The following CAMTA1 variants were observed in gnomAD, a reference collection of about 807,000 sequenced individuals.
The protein encoded by CAMTA1 is calmodulin binding transcription activator 1.
In CAMTA1, 27 loss-of-function variants were observed where a neutral mutation model predicts 170.9. That is an observed-to-expected ratio of 0.16 (90% CI 0.12 to 0.22). The LOEUF is 0.22. Ranked by LOEUF, CAMTA1 falls within the 10% of genes least tolerant of loss-of-function variation. The pLI, the probability that CAMTA1 is intolerant of heterozygous loss-of-function variation, is 1.00. For synonymous variants in CAMTA1, 833 were observed against 891.5 expected (o/e 0.93, Z 1.17); for missense variants, 1,619 against 2,217.2 (o/e 0.73, Z 5.42).
At chr1:6,968,340 C>T (rs1173825137) in intron 3 of CAMTA1, among the ~76,000 whole-genome samples, 1 of 152,156 alleles carries the variant, frequency 6.6e-6, no homozygotes, top group African/African-American at 2.4e-5. Flanking sequence ...ATGGCCCTTG[C>T]CCCTCTCCCG....
chr1:6,941,665 G>A (rs142709473), intron 3 of CAMTA1, among the ~76,000 whole-genome samples: 136 of 152,318 alleles, frequency 8.9e-4, no homozygotes, highest in African/African-American at 2.9e-3. Flanking sequence ...CCTGACAGGC[G>A]AGGAAGCTCT....
At position 6,988,258 on chromosome 1, in the gene CAMTA1, T is replaced by C. The variant is rs575272343; in HGVS notation, c.235-103046T>C. Among the ~76,000 whole-genome samples, 499 of 152,246 alleles carry C rather than the reference T, an allele frequency of 3.3e-3. 3 individuals are homozygous for C. The highest frequency in any genetic ancestry group is 0.012 in the African/African-American group (481 of 41,552). On this transcript the variant is annotated intron_variant, in intron 3 of 22. Transcript: ENST00000303635. The stretch of plus-strand genomic sequence containing the variant: ...AGAAGGGCCGTGACGCTCCGAAAGC[T>C]GGTGCTGGGCTTCCTTCCACTGCAC...
intron 6 of CAMTA1, among the ~76,000 whole-genome samples, chr1:7,618,817 G>A (rs753028564): frequency 2.6e-5 from 4 of 152,044 alleles, no homozygotes; most frequent in Non-Finnish European, 5.9e-5. Flanking sequence ...ATTGAATTAG[G>A]TTAACTCAGC....
intron 6 of CAMTA1, among the ~76,000 whole-genome samples, chr1:7,545,933 T>A (rs2094686077): frequency 6.7e-6 from 1 of 149,382 alleles, no homozygotes; most frequent in African/African-American, 2.5e-5. Context: ...TGAAAACATG[T>A]GGTGTTTGGT....
intron 7 of CAMTA1, among the ~76,000 whole-genome samples, chr1:7,653,330 C>T (rs1242305167): frequency 6.6e-6 from 1 of 152,198 alleles, no homozygotes; most frequent in Non-Finnish European, 1.5e-5. Context: ...GGCCCGATCA[C>T]AGCTCACTGT....
At chr1:7,640,860 C>T (rs1243984327) in intron 7 of CAMTA1, among the ~76,000 whole-genome samples, 2 of 152,112 alleles carry the variant, frequency 1.3e-5, no homozygotes, top group African/African-American at 4.8e-5. Context: ...GTCTCCGGGG[C>T]CACAGACAGG....
intron 5 of CAMTA1, among the ~76,000 whole-genome samples, chr1:7,309,159 CCTTTTA>C (rs577149497): frequency 2.6e-5 from 4 of 152,108 alleles, no homozygotes; most frequent in African/African-American, 9.6e-5. Flanking sequence ...CTTTTTCCAT[CCTTTTA>C]CTTTTAGCCT....
At chr1:7,496,736 C>G (rs12029044) in intron 6 of CAMTA1, among the ~76,000 whole-genome samples, 7,622 of 152,112 alleles carry the variant, frequency 0.05, 294 homozygotes, top group East Asian at 0.2. Context: ...CTTGGAAGGT[C>G]GTGTTGTTGA....
intron 3 of CAMTA1, among the ~76,000 whole-genome samples, chr1:7,078,956 A>G (rs576768342): frequency 2.7e-4 from 41 of 152,356 alleles, no homozygotes; most frequent in African/African-American, 8.7e-4. Flanking sequence ...AAAGTGCTCT[A>G]GAAACTTTTA....
intron 4 of CAMTA1, among the ~76,000 whole-genome samples, chr1:7,245,132 CATCA>C (rs1665546233): frequency 6.6e-6 from 1 of 151,046 alleles, no homozygotes; most frequent in South Asian, 2.1e-4. Flanking sequence ...TCCATCATTT[CATCA>C]ATCTATCTAG....
chr1:7,184,413 T>A (rs1322389356), intron 4 of CAMTA1, among the ~76,000 whole-genome samples: 1 of 152,192 alleles, frequency 6.6e-6, no homozygotes, highest in Admixed American at 6.5e-5. Flanking sequence ...CTTGAGGTGA[T>A]GGACACACCA....
chr1:7,297,808 A>G (rs1436288349), intron 5 of CAMTA1, among the ~76,000 whole-genome samples: 2 of 152,204 alleles, frequency 1.3e-5, no homozygotes, highest in Non-Finnish European at 2.9e-5. Flanking sequence ...TGGCAGAACC[A>G]CAGTCCTGAA....
rs34493681 is a variant in CAMTA1, at chr1:7,234,788, C to CTTTT, written c.303-14689_303-14686dup. 2.9e-5 allele frequency among the ~76,000 whole-genome samples: 4 copies of CTTTT among 136,408 alleles called. No individual in the cohort carries two copies. The highest frequency in any genetic ancestry group is 1.1e-4 in the African/African-American group (4 of 36,138). The allele number at this position is 136,408 out of a possible 152,430, so 89.5% of individuals were successfully genotyped here. ...GGGAAATTGGAAAATACAAGTTGAC[C>CTTTT]TTTTTTTTTTTTTTTTTAGATAGAG... On this transcript the variant is annotated intron_variant, in intron 4 of 22. Transcript: ENST00000303635. The surrounding 1 kb of genome is among the most constrained non-coding windows in gnomAD (Gnocchi z 5.0).
At position 7,007,726 on chromosome 1, in the gene CAMTA1, C is replaced by T. The variant is rs1035814966; in HGVS notation, c.235-83578C>T. Among the ~76,000 whole-genome samples, 2 of 152,180 alleles carry T rather than the reference C, an allele frequency of 1.3e-5. No individual in the cohort carries two copies. Among genetic ancestry groups the T allele is most frequent in the Non-Finnish European group, 2.9e-5 (2 of 68,022 alleles). Reference sequence around the variant, plus strand: ...TGGGGCTCCCGGGGCGTCGCTTCTGCCTCTTCCAGTGCTTTCCGACCCTGT... The same window carrying T: ...TGGGGCTCCCGGGGCGTCGCTTCTGTCTCTTCCAGTGCTTTCCGACCCTGT... On this transcript the variant is annotated intron_variant, in intron 3 of 22. Coordinates refer to ENST00000303635, the MANE Select transcript of CAMTA1 (RefSeq NM_015215.4). The surrounding 1 kb of genome is among the most constrained non-coding windows in gnomAD (Gnocchi z 4.5).
At chr1:7,530,821 T>TG (rs1467591791) in intron 6 of CAMTA1, among the ~76,000 whole-genome samples, 3 of 147,384 alleles carry the variant, frequency 2.0e-5, no homozygotes, top group African/African-American at 5.0e-5. Context: ...TGTTTTTTTT[T>TG]TTTTTTTTTT....
intron 5 of CAMTA1, among the ~76,000 whole-genome samples, chr1:7,257,897 T>C (rs1303456654): frequency 6.6e-6 from 1 of 152,132 alleles, no homozygotes; most frequent in East Asian, 1.9e-4. Flanking sequence ...CATGAGGAAG[T>C]GAGTTGGTTT....
chr1:6,860,864 A>G (rs1664395661), intron 3 of CAMTA1, among the ~76,000 whole-genome samples: 2 of 151,570 alleles, frequency 1.3e-5, no homozygotes, highest in Non-Finnish European at 2.9e-5. Flanking sequence ...GTGACCCCAG[A>G]TTGTGTCATT....
intron 6 of CAMTA1, among the ~76,000 whole-genome samples, chr1:7,472,462 A>ACC (rs1475026912): frequency 2.0e-5 from 3 of 151,968 alleles, no homozygotes; most frequent in African/African-American, 7.3e-5. Flanking sequence ...ACCACACTTC[A>ACC]CCTGGGAGAA....
At chr1:7,499,119 G>A (rs1557821414) in intron 6 of CAMTA1, among the ~76,000 whole-genome samples, 2 of 141,610 alleles carry the variant, frequency 1.4e-5, no homozygotes, top group Non-Finnish European at 3.2e-5. Flanking sequence ...GTGTAGAGAG[G>A]ATGGTGTGAT....
Sources: gnomAD v4.1 joint callset for allele counts (sites outside exome capture counted in the v4.1 genomes callset) on GRCh38, gnomAD v4.1.1 for gene constraint, Gnocchi (gnomAD v3.1) non-coding constraint, MANE v1.5 for transcripts, NCBI Gene and HGNC (gene_info 2026-07-23, HGNC 2026-07-21) for gene names.